Variants in AFF4 observed in about 807,000 individuals in gnomAD.
AFF4 encodes ALF transcription elongation factor 4.
A neutral mutation model predicts 124.8 loss-of-function variants in AFF4; 13 were observed. The observed-to-expected ratio is 0.10, with a 90% CI of 0.07 to 0.17. The LOEUF (loss-of-function observed/expected upper bound fraction) is 0.17, where lower values mean the gene tolerates loss of function less well. AFF4 is among the 10% of genes least tolerant of loss of function. AFF4 has a pLI of 1.00. For synonymous variants in AFF4, 477 were observed against 496.1 expected (o/e 0.96, Z 0.51); for missense variants, 1,092 against 1,403.8 (o/e 0.78, Z 3.55).
At chr5:132,904,306 A>G (rs1298860842) in intron 6 of AFF4, 62 bp downstream of exon 6, 14 of 1,410,396 alleles carry the variant, frequency 9.9e-6, no homozygotes, top group African/African-American at 2.9e-5. Context: ...TGGTGTGACC[A>G]TGAAAACTGA....
chr5:132,889,290 A>T, intron 13 of AFF4, 117 bp from the exon 14 acceptor site: 1 of 670,292 alleles, frequency 1.5e-6, no homozygotes, highest in Non-Finnish European at 2.5e-6. Context: ...TTTCATAATG[A>T]ATTTCCTTGT....
rs371417159 is a variant in AFF4 at position 132,945,975 on chromosome 5, G to A, written c.-4-8782C>T. Among the ~76,000 whole-genome samples the A allele has an allele frequency of 2.0e-5, 3 of 152,084 alleles. No homozygotes were observed. The East Asian group carries it at 5.8e-4, about 29-fold the overall frequency. On this transcript the variant is annotated intron_variant, in intron 1 of 20. Coordinates refer to ENST00000265343, the MANE Select transcript of AFF4 (RefSeq NM_014423.4). Reference sequence around the variant, plus strand: ...CTCGGGAGGATGAGGCAGGAGAATTGCTTGAACCCGGGACGCGGAGGTTGT... The same window carrying A: ...CTCGGGAGGATGAGGCAGGAGAATTACTTGAACCCGGGACGCGGAGGTTGT...
At chr5:132,951,579 G>A (rs562004972) in intron 1 of AFF4, among the ~76,000 whole-genome samples, 45 of 152,196 alleles carry the variant, frequency 3.0e-4, no homozygotes, top group African/African-American at 1.1e-3. Context: ...CCAGGCTGGA[G>A]TGCAGTGGCA....
At chr5:132,948,342 G>A (rs898792044) in intron 1 of AFF4, among the ~76,000 whole-genome samples, 2 of 152,110 alleles carry the variant, frequency 1.3e-5, no homozygotes, top group East Asian at 1.9e-4. Flanking sequence ...TCTGATGAAT[G>A]TTCTTTCCCA....
chr5:132,936,837 G>C (rs566895175), intron 2 of AFF4, among the ~76,000 whole-genome samples: 6 of 152,262 alleles, frequency 3.9e-5, no homozygotes, highest in African/African-American at 1.4e-4. Flanking sequence ...TGTTGATGCT[G>C]TGAAAATTCT....
At chr5:132,936,982 TA>T in intron 2 of AFF4, 84 bp downstream of exon 2, 1 of 1,483,698 alleles carries the variant, frequency 6.7e-7, no homozygotes, top group Non-Finnish European at 9.1e-7. Flanking sequence ...AATTCTTTTC[TA>T]ATATAAACAT....
chr5:132,882,978 A>G (rs578041552), intron 20 of AFF4, among the ~76,000 whole-genome samples: 2 of 152,284 alleles, frequency 1.3e-5, no homozygotes, highest in Admixed American at 1.3e-4. Flanking sequence ...TCAGATGTAC[A>G]GATGTTTGGA....
intron 5 of AFF4, among the ~76,000 whole-genome samples, chr5:132,907,370 ACT>A (rs1760695155): frequency 6.6e-6 from 1 of 152,078 alleles, no homozygotes; most frequent in Non-Finnish European, 1.5e-5. Context: ...TGAAACCCAA[ACT>A]CTCTGGCAAC....
chr5:132,960,425 A>G (rs563777067), intron 1 of AFF4, among the ~76,000 whole-genome samples: 94 of 152,316 alleles, frequency 6.2e-4, no homozygotes, highest in African/African-American at 2.2e-3. Flanking sequence ...GATTTTATTA[A>G]AAATACCACA....
intron 1 of AFF4, among the ~76,000 whole-genome samples, chr5:132,950,274 G>A (rs1046005868): frequency 2.6e-5 from 4 of 151,838 alleles, no homozygotes; most frequent in Admixed American, 6.6e-5. Flanking sequence ...TTGGGAGTTC[G>A]AGACCAGCCT....
chr5:132,908,776 A>ATAT (rs375891983), intron 5 of AFF4, among the ~76,000 whole-genome samples: 166 of 114,886 alleles, frequency 1.4e-3, no homozygotes, highest in East Asian at 6.5e-3. Context: ...ATATATATAT[A>ATAT]TTTTTTTTTT....
chr5:132,906,763 T>C (rs1309678906), intron 5 of AFF4, among the ~76,000 whole-genome samples: 2 of 152,084 alleles, frequency 1.3e-5, no homozygotes, highest in South Asian at 2.1e-4. Context: ...AAACTGTATA[T>C]AGAGCAGTGG....
intron 6 of AFF4, among the ~76,000 whole-genome samples, chr5:132,903,262 G>A (rs1479507711): frequency 6.6e-6 from 1 of 152,054 alleles, no homozygotes; most frequent in African/African-American, 2.4e-5. Flanking sequence ...TGTAAGCTAC[G>A]GCCTTTAAGG....
intron 5 of AFF4, among the ~76,000 whole-genome samples, chr5:132,922,967 G>A (rs10463897): frequency 0.11 from 17,409 of 151,606 alleles, 1,268 homozygotes; most frequent in South Asian, 0.19. Context: ...AGGAGGTAAG[G>A]AGATTGAGAC....
In AFF4 at chr5:132,881,046, G is replaced by T; in HGVS notation, c.*13C>A. 6.2e-7 allele frequency: 1 copy of T among 1,610,014 alleles called. No homozygotes were observed. On this transcript the variant is annotated 3_prime_UTR_variant, in exon 21 of 21. Coordinates refer to ENST00000265343, the MANE Select transcript of AFF4 (RefSeq NM_014423.4). The stretch of plus-strand genomic sequence containing the variant: ...TTGTGGAGAAAATCAGAGGCAACGA[G>T]AATGTGTTCAGTTCAAGATATCAAC...
chr5:132,934,102 G>A (rs1251500291), intron 3 of AFF4, 45 bp downstream of exon 3: 2 of 1,553,280 alleles, frequency 1.3e-6, no homozygotes, highest in Middle Eastern at 2.0e-4. Context: ...TCAGTCAATT[G>A]CTTCACGTAG....
rs1472831874 is a variant in AFF4 at position 132,887,977 on chromosome 5, A to C, written c.2802T>G (p.Asp934Glu). Reference sequence around the variant, plus strand: ...GATAGTATACAGCTTTCTCAAACCTATCAGACTGAAGAAAGGAGAATGCAA... The same window carrying C: ...GATAGTATACAGCTTTCTCAAACCTCTCAGACTGAAGAAAGGAGAATGCAA... ...KLKHNADALS[D>E]RFEKAVYYLD... The change falls in exon 16 of 21, where the codon GAT becomes GAG. Residue 934 changes from aspartate to glutamate, a missense_variant. By Grantham distance (45) the Asp-to-Glu change is conservative (BLOSUM62 2). This residue lies in a region of AFF4 where 173 missense variants were observed against 294.9 expected (regional missense o/e 0.59). Coordinates refer to ENST00000265343, the MANE Select transcript of AFF4 (RefSeq NM_014423.4). 6.2e-7 allele frequency: 1 copy of C among 1,613,438 alleles called. No individual in the cohort carries two copies. The highest frequency in any genetic ancestry group is 8.5e-7 in the Non-Finnish European group (1 of 1,179,828).
chr5:132,959,976 C>T (rs1014725374), intron 1 of AFF4, among the ~76,000 whole-genome samples: 1 of 151,484 alleles, frequency 6.6e-6, no homozygotes, highest in African/African-American at 2.4e-5. Context: ...AGGATGGTCT[C>T]GATCTCCTGA....
intron 2 of AFF4, among the ~76,000 whole-genome samples, chr5:132,935,800 G>C (rs1392896542): frequency 6.6e-6 from 1 of 151,378 alleles, no homozygotes; most frequent in Non-Finnish European, 1.5e-5. Context: ...GTGCACGCCT[G>C]TAATCCCAGC....
Sources: gnomAD v4.1 joint callset for allele counts (sites outside exome capture counted in the v4.1 genomes callset) on GRCh38, gnomAD v4.1.1 for gene constraint, gnomAD v4.1.1 regional missense constraint, MANE v1.5 for transcripts, NCBI Gene and HGNC (gene_info 2026-07-23, HGNC 2026-07-21) for gene names.